PLG: variants seen among roughly 807,000 people sequenced by gnomAD.
PLG encodes plasminogen.
A neutral mutation model predicts 104.4 loss-of-function variants in PLG; 41 were observed. The ratio of observed to expected loss-of-function variants is 0.39; its 90% CI spans 0.31 to 0.51. The LOEUF is 0.51. Ranked by LOEUF, PLG falls within the 20% of genes least tolerant of loss-of-function variation. The pLI is 0.76. For missense variants in PLG, 891 were observed against 1,003.6 expected (o/e 0.89, Z 1.52); for synonymous variants, 337 against 357.1 (o/e 0.94, Z 0.63).
In PLG at chr6:160,737,107, C is replaced by A. The variant is rs573065372; in HGVS notation, c.1802+100C>A. On this transcript the variant is annotated intron_variant, in intron 14 of 18. Transcript: ENST00000308192. The surrounding 1 kb of genome is among the most constrained non-coding windows in gnomAD (Gnocchi z 4.7). ...AATCCACACAGCTGAGGCATCAGCACCTGCCTCTAAGTTTTCTGAAGGAGG... is the reference window on the plus strand; with the variant it reads ...AATCCACACAGCTGAGGCATCAGCAACTGCCTCTAAGTTTTCTGAAGGAGG... 1.3e-6 allele frequency: 2 copies of A among 1,485,646 alleles called. No individual in the cohort carries two copies. Among genetic ancestry groups the A allele is most frequent in the African/African-American group, 2.8e-5 (2 of 71,828 alleles). 92.0% of individuals were successfully genotyped at this position (1,485,646 alleles called of 1,614,324 possible). A position where few individuals can be genotyped will look rare whatever the true frequency, so the allele number is the denominator to read the frequency against.
Position 160,734,206 on chromosome 6 carries a change from G to A in PLG, c.1681+118G>A, listed in dbSNP as rs28556982. 1 of 655,770 alleles carries A rather than the reference G, an allele frequency of 1.5e-6. No individual in the cohort carries two copies. Among genetic ancestry groups the A allele is most frequent in the South Asian group, 1.5e-5 (1 of 65,116 alleles). The allele number at this position is 655,770 out of a possible 1,614,324, so 40.6% of individuals were successfully genotyped here. On this transcript the variant is annotated intron_variant, in intron 13 of 18. Transcript: ENST00000308192. The surrounding 1 kb of genome is among the most constrained non-coding windows in gnomAD (Gnocchi z 4.4). ...GAGGAGATAGCTGCCCTCTCCATCA[G>A]ACCCCACTCTTCATCATGGGCATCT... is the stretch of plus-strand genomic sequence containing the variant.
At chr6:160,750,762 C>A (rs1007628505) in intron 17 of PLG, among the ~76,000 whole-genome samples, 2 of 152,066 alleles carry the variant, frequency 1.3e-5, no homozygotes, top group African/African-American at 4.8e-5. Context: ...TCGGTTCTTA[C>A]CTGTGTCATG....
chr6:160,704,309 G>C lies in PLG; in HGVS notation c.49+1956G>C, dbSNP rs530083539. Among the ~76,000 whole-genome samples the C allele has an allele frequency of 9.2e-5, 14 of 152,362 alleles. No homozygotes were observed. In the East Asian group the frequency reaches 2.5e-3, roughly 27 times the overall value. The stretch of plus-strand genomic sequence containing the variant: ...GGGATATTTCCTAGGGACATGAGCT[G>C]GGGAGGGGATCTCAGCAGCGATGCG... On this transcript the variant is annotated intron_variant, in intron 1 of 18. Transcript: ENST00000308192.
At chr6:160,748,684 T>C (rs886286910) in intron 17 of PLG, among the ~76,000 whole-genome samples, 13 of 152,242 alleles carry the variant, frequency 8.5e-5, no homozygotes, top group Non-Finnish European at 1.3e-4. Flanking sequence ...CAACTTAAGT[T>C]GGATTAAGCA....
chr6:160,707,716 A>C lies in PLG; in HGVS notation c.202A>C (p.Ser68Arg), dbSNP rs754051719. Residue 68 changes from serine to arginine, a missense_variant, in exon 3 of 19, where the codon AGT (serine) becomes CGT (arginine). Physicochemically the swap from Ser to Arg is moderately radical, Grantham distance 110 (BLOSUM62 -1). Transcript: ENST00000308192. ...GTTCTGCAGGGCATTCCAATATCACAGTAAAGAGCAACAATGTGTGATAAT... is the reference window on the plus strand; with the variant it reads ...GTTCTGCAGGGCATTCCAATATCACCGTAAAGAGCAACAATGTGTGATAAT... The part of the protein sequence containing the change: ...EFTCRAFQYH[S>R]KEQQCVIMAE... 6.8e-6 allele frequency: 11 copies of C among 1,610,738 alleles called. No individual in the cohort carries two copies. The South Asian group carries it at 9.9e-5, about 14-fold the overall frequency.
At position 160,719,983 on chromosome 6, in the gene PLG, T is replaced by G. The variant is rs191590696; in HGVS notation, c.1096+1145T>G. Among the ~76,000 whole-genome samples the G allele has an allele frequency of 1.8e-4, 27 of 152,088 alleles. No individual in the cohort carries two copies. Among genetic ancestry groups the G allele is most frequent in the Admixed American group, 1.2e-3 (18 of 15,280 alleles). ...TCTCATCTACTGGGGTAGATCTCAA[T>G]TTCCATCTGGTGTCAGTTTCTTTCT... On this transcript the variant is annotated intron_variant, in intron 9 of 18. Transcript: ENST00000308192. This position sits in a 1 kb window ranked among gnomAD's most constrained non-coding sequence, Gnocchi z 4.1.
At chr6:160,747,619 A>C (rs1309603083) in intron 17 of PLG, among the ~76,000 whole-genome samples, 1 of 42,164 alleles carries the variant, frequency 2.4e-5, no homozygotes, top group Non-Finnish European at 4.6e-5. Flanking sequence ...ATTTGAAGAA[A>C]GGTTTGTTTT....
At chr6:160,751,230 C>T (rs1017646769) in intron 17 of PLG, among the ~76,000 whole-genome samples, 2 of 152,144 alleles carry the variant, frequency 1.3e-5, no homozygotes, top group African/African-American at 4.8e-5. Context: ...TAAGAATGAA[C>T]TTTATGAACA....
rs777476575 is a variant in PLG at position 160,707,724 on chromosome 6, G to A, written c.210G>A (p.Glu70=). ...TCRAFQYHSK[E]QQCVIMAENR... is the part of the protein sequence containing the mutation. Reference sequence around the variant, plus strand: ...GGGCATTCCAATATCACAGTAAAGAGCAACAATGTGTGATAATGGCTGAAA... The same window carrying A: ...GGGCATTCCAATATCACAGTAAAGAACAACAATGTGTGATAATGGCTGAAA... The change falls in exon 3 of 19, where the codon GAG becomes GAA. Residue 70 remains glutamate, a synonymous_variant. Coordinates refer to ENST00000308192, the MANE Select transcript of PLG (RefSeq NM_000301.5). The A allele has an allele frequency of 1.2e-6, 2 of 1,611,192 alleles. No homozygotes were observed. Among genetic ancestry groups the A allele is most frequent in the South Asian group, 2.2e-5 (2 of 90,962 alleles).
In PLG at chr6:160,731,991, T is replaced by G; in HGVS notation, c.1587+98T>G. 1 of 1,230,010 alleles carries G rather than the reference T, an allele frequency of 8.1e-7. No homozygotes were observed. 76.2% of individuals were successfully genotyped at this position (1,230,010 alleles called of 1,614,324 possible). On this transcript the variant is annotated intron_variant, in intron 12 of 18. Transcript: ENST00000308192. The surrounding 1 kb of genome is among the most constrained non-coding windows in gnomAD (Gnocchi z 5.1). ...CAGAAAATCTGACCTGGACTGCTCT[T>G]TTTTGTAATGGGGGAGAGGGGACAG...
chr6:160,734,328 A>G lies in PLG; in HGVS notation c.1681+240A>G, dbSNP rs1471122945. 2.0e-5 allele frequency among the ~76,000 whole-genome samples: 3 copies of G among 152,280 alleles called. No homozygotes were observed. The highest frequency in any genetic ancestry group is 1.3e-4 in the Admixed American group (2 of 15,296). ...AATAAATGTAAAATTCCCAAAGAGC[A>G]AGCTTAGAGGTAATCTAGTCAGCCC... On this transcript the variant is annotated intron_variant, in intron 13 of 18. Transcript: ENST00000308192. This position sits in a 1 kb window ranked among gnomAD's most constrained non-coding sequence, Gnocchi z 4.4.
Position 160,718,741 on chromosome 6 carries a change from A to G in PLG, c.999A>G (p.Pro333=), listed in dbSNP as rs1244235334. 9 of 1,613,652 alleles carry G rather than the reference A, an allele frequency of 5.6e-6. No homozygotes were observed. Among genetic ancestry groups the G allele is most frequent in the Non-Finnish European group, 7.6e-6 (9 of 1,179,698 alleles). Residue 333 remains proline, a synonymous_variant, in exon 9 of 19, where the codon CCA becomes CCG. Transcript: ENST00000308192. ...YCRNPDGKRA[P]WCHTTNSQVR... ...GCAATCCTGACGGAAAAAGGGCCCC[A>G]TGGTGCCATACAACCAACAGCCAAG... is the stretch of plus-strand genomic sequence containing the variant.
At chr6:160,746,092 T>A (rs570577396) in intron 17 of PLG, among the ~76,000 whole-genome samples, 1 of 152,348 alleles carries the variant, frequency 6.6e-6, no homozygotes, top group African/African-American at 2.4e-5. Context: ...GAAAATCTGA[T>A]GATTATGTGT....
In PLG at chr6:160,725,555, AAG is replaced by A. The variant is rs1205380432; in HGVS notation, c.1256+2994_1256+2995del. On this transcript the variant is annotated intron_variant, in intron 10 of 18. Coordinates refer to ENST00000308192, the MANE Select transcript of PLG (RefSeq NM_000301.5). The surrounding 1 kb of genome is among the most constrained non-coding windows in gnomAD (Gnocchi z 6.3). The stretch of plus-strand genomic sequence containing the variant: ...AAAAAAGAATGAAGAAGATATGGCA[AAG>A]AGAGAAAATACACAGCATTATGGTA... Among the ~76,000 whole-genome samples, 1 of 152,148 alleles carries A rather than the reference AAG, an allele frequency of 6.6e-6. No individual in the cohort carries two copies. The highest frequency in any genetic ancestry group is 2.1e-4 in the South Asian group (1 of 4,830).
intron 10 of PLG, among the ~76,000 whole-genome samples, chr6:160,728,800 A>C (rs1414399863): frequency 2.0e-5 from 3 of 152,172 alleles, no homozygotes; most frequent in African/African-American, 4.8e-5. Flanking sequence ...GCTGAAATAA[A>C]ACAATTCCAG....
chr6:160,715,047 T>C (rs1777707454), intron 6 of PLG, 133 bp downstream of exon 6: 1 of 877,168 alleles, frequency 1.1e-6, no homozygotes, highest in Non-Finnish European at 1.8e-6. Flanking sequence ...AAAGCTAACC[T>C]CCTCCCACAA....
intron 17 of PLG, among the ~76,000 whole-genome samples, chr6:160,751,888 C>G (rs929786435): frequency 3.3e-5 from 5 of 152,082 alleles, no homozygotes; most frequent in African/African-American, 1.2e-4. Context: ...AACAACCAAC[C>G]CCAAACCAAC....
chr6:160,742,188 T>C (rs917359818), intron 17 of PLG, among the ~76,000 whole-genome samples: 1 of 152,224 alleles, frequency 6.6e-6, no homozygotes, highest in Non-Finnish European at 1.5e-5. Flanking sequence ...GTAGTAGGAT[T>C]GCTGGGTTGA....
rs1333528760 is a variant in PLG at position 160,731,212 on chromosome 6, T to C, written c.1418T>C (p.Val473Ala). The C allele has an allele frequency of 9.3e-6, 15 of 1,613,796 alleles. No homozygotes were observed. The highest frequency in any genetic ancestry group is 5.9e-6 in the Non-Finnish European group (7 of 1,179,808). The part of the protein sequence containing the change: ...APPPVVLLPD[V>A]ETPSEEDCMF... ...CCGCCTGTTGTCCTGCTTCCAGATG[T>C]AGAGACTCCTTCCGAAGAAGGTAAG... Residue 473 changes from valine (V) to alanine (A), a missense_variant, in exon 11 of 19, where the codon GTA becomes GCA. Physicochemically the swap from Val to Ala is moderately conservative, Grantham distance 64 (BLOSUM62 0). Around this residue, in one of 2 missense-constraint regions of PLG, gnomAD observed 854 missense variants for 932.1 expected, o/e 0.92. Coordinates refer to ENST00000308192, the MANE Select transcript of PLG (RefSeq NM_000301.5). The surrounding 1 kb of genome is among the most constrained non-coding windows in gnomAD (Gnocchi z 5.1).
Sources: allele counts gnomAD v4.1 joint callset (sites outside exome capture counted in the v4.1 genomes callset), GRCh38; gene constraint gnomAD v4.1.1; regional missense constraint gnomAD v4.1.1; non-coding constraint Gnocchi (gnomAD v3.1); transcripts MANE v1.5; gene names NCBI Gene and HGNC (gene_info 2026-07-23, HGNC 2026-07-21).